Variants in TANC1 observed in about 807,000 individuals in gnomAD.
The protein encoded by TANC1 is tetratricopeptide repeat, ankyrin repeat and coiled-coil containing 1, also known as protein TANC1.
A neutral mutation model predicts 149.7 loss-of-function variants in TANC1; 77 were observed. The observed-to-expected ratio is 0.51, with a 90% CI of 0.43 to 0.62. The LOEUF (loss-of-function observed/expected upper bound fraction) is 0.62. Among genes scored for constraint, TANC1 ranks in the 20% least tolerant of loss-of-function variants. The pLI is 0.00. For synonymous variants in TANC1, 854 were observed against 925.0 expected (o/e 0.92, Z 1.39); for missense variants, 1,985 against 2,321.8 (o/e 0.85, Z 2.98).
At chr2:159,170,406 A>G (rs2055074540) in intron 9 of TANC1, 118 bp from the exon 10 acceptor site, 1 of 909,348 alleles carries the variant, frequency 1.1e-6, no homozygotes, top group South Asian at 1.8e-5. Context: ...ATGCTTACAG[A>G]CAGATCCTAG....
rs570911067 is a variant in TANC1, at chr2:159,111,662, A to T, written c.259+13828A>T. Among the ~76,000 whole-genome samples, 3 of 152,342 alleles carry T rather than the reference A, an allele frequency of 2.0e-5. No homozygotes were observed. In the South Asian group the frequency reaches 6.2e-4, roughly 32 times the overall value. ...TGGGGCTGAGACGGGCTGAGGGACC[A>T]GCAGATGAGTCTGCACCACAGTTGG... On this transcript the variant is annotated intron_variant, in intron 4 of 26. Transcript: ENST00000263635.
At chr2:159,174,707 A>T (rs1472475611) in intron 11 of TANC1, among the ~76,000 whole-genome samples, 1 of 152,244 alleles carries the variant, frequency 6.6e-6, no homozygotes, top group African/African-American at 2.4e-5. Context: ...CAAAAATAAA[A>T]AAATAACTTG....
rs957531216 is a variant in TANC1 at position 159,232,358 on chromosome 2, A to C, written c.*1346A>C. ...AAATTTATTTTCTAAAATTGAGGAG[A>C]AGGAAGTTATATATTTGCAGAATGT... On this transcript the variant is annotated 3_prime_UTR_variant, in exon 27 of 27. Coordinates refer to ENST00000263635, the MANE Select transcript of TANC1 (RefSeq NM_033394.3). The C allele has an allele frequency of 6.6e-6, 1 of 152,574 alleles. No homozygotes were observed. The highest frequency in any genetic ancestry group is 2.4e-5 in the African/African-American group (1 of 41,434). The allele number at this position is 152,574 out of a possible 1,614,324, so 9.5% of individuals were successfully genotyped here.
chr2:159,180,705 A>T (rs2056386409), intron 14 of TANC1, among the ~76,000 whole-genome samples: 1 of 152,230 alleles, frequency 6.6e-6, no homozygotes, highest in East Asian at 1.9e-4. Flanking sequence ...TTTGAGCTTC[A>T]TTCAATTGAG....
intron 2 of TANC1, among the ~76,000 whole-genome samples, chr2:159,057,970 G>A (rs1559181126): frequency 6.6e-6 from 1 of 152,210 alleles, no homozygotes. Flanking sequence ...TGCTGCTGTG[G>A]TAGGGAGGTA....
chr2:159,079,742 C>T (rs1255685561), intron 3 of TANC1, among the ~76,000 whole-genome samples: 1 of 152,138 alleles, frequency 6.6e-6, no homozygotes, highest in Non-Finnish European at 1.5e-5. Flanking sequence ...AGGGTAAAGC[C>T]AGTGCCCGCA....
chr2:159,230,275 G>A lies in TANC1; in HGVS notation c.4849G>A (p.Ala1617Thr), dbSNP rs761773945. Residue 1617 changes from alanine (A) to threonine (T), a missense_variant, in exon 27 of 27, where the codon GCA becomes ACA. Around this residue, in one of 3 missense-constraint regions of TANC1, gnomAD observed 920 missense variants for 994.7 expected, o/e 0.92. Coordinates refer to ENST00000263635, the MANE Select transcript of TANC1 (RefSeq NM_033394.3). This position sits in a 1 kb window ranked among gnomAD's most constrained non-coding sequence, Gnocchi z 4.4. ...VRLQCGENGP[A>T]HPLPSKTKTT... ...CCTGCAGTGTGGTGAGAATGGCCCTGCACACCCTTTACCAAGTAAGACGAA... is the reference window on the plus strand; with the variant it reads ...CCTGCAGTGTGGTGAGAATGGCCCTACACACCCTTTACCAAGTAAGACGAA... 1.2e-6 allele frequency: 2 copies of A among 1,614,018 alleles called. No individual in the cohort carries two copies. Among genetic ancestry groups the A allele is most frequent in the South Asian group, 2.2e-5 (2 of 91,086 alleles).
At chr2:158,979,005 T>C (rs2034002534) in intron 1 of TANC1, among the ~76,000 whole-genome samples, 1 of 152,212 alleles carries the variant, frequency 6.6e-6, no homozygotes, top group Non-Finnish European at 1.5e-5. Flanking sequence ...CCAATGAGTT[T>C]TTAAGTGTAA....
At chr2:159,154,796 G>T (rs1456239011) in intron 7 of TANC1, among the ~76,000 whole-genome samples, 1 of 152,082 alleles carries the variant, frequency 6.6e-6, no homozygotes, top group Non-Finnish European at 1.5e-5. Context: ...CCTAGAAGTT[G>T]GTGTCTGATT....
At chr2:159,197,929 T>A (rs1461232476) in intron 18 of TANC1, among the ~76,000 whole-genome samples, 1 of 152,230 alleles carries the variant, frequency 6.6e-6, no homozygotes, top group East Asian at 1.9e-4. Context: ...CACTTACTCT[T>A]AGAATTCTGA....
In TANC1 at chr2:159,229,612, G is replaced by T; in HGVS notation, c.4186G>T (p.Ala1396Ser). 1 of 1,613,666 alleles carries T rather than the reference G, an allele frequency of 6.2e-7. No individual in the cohort carries two copies. Among genetic ancestry groups the T allele is most frequent in the Non-Finnish European group, 8.5e-7 (1 of 1,179,872 alleles). Residue 1396 changes from alanine (A) to serine (S), a missense_variant, in exon 27 of 27, where the codon GCT (alanine) becomes TCT (serine). Around this residue, in one of 3 missense-constraint regions of TANC1, gnomAD observed 920 missense variants for 994.7 expected, o/e 0.92. Coordinates refer to ENST00000263635, the MANE Select transcript of TANC1 (RefSeq NM_033394.3). ...FVAALADLQEAVKLCPTNQEV... is the reference protein window; with the variant it reads ...FVAALADLQESVKLCPTNQEV... ...GGCAGCTCTGGCTGACCTGCAAGAGGCTGTGAAACTCTGTCCCACCAATCA... is the reference window on the plus strand; with the variant it reads ...GGCAGCTCTGGCTGACCTGCAAGAGTCTGTGAAACTCTGTCCCACCAATCA...
At chr2:159,192,217 C>T (rs1308328262) in intron 16 of TANC1, among the ~76,000 whole-genome samples, 2 of 152,130 alleles carry the variant, frequency 1.3e-5, no homozygotes, top group African/African-American at 2.4e-5. Flanking sequence ...GTGGACATTT[C>T]CATATTTTCT....
intron 4 of TANC1, among the ~76,000 whole-genome samples, chr2:159,116,454 C>CAAA (rs779142844): frequency 5.0e-5 from 7 of 140,476 alleles, no homozygotes; most frequent in East Asian, 2.0e-4. Flanking sequence ...ACAACAACAA[C>CAAA]AAAAAAAAAA....
At position 159,065,938 on chromosome 2, in the gene TANC1, C is replaced by T. The variant is rs960946605; in HGVS notation, c.28C>T (p.Arg10Ter). The T allele has an allele frequency of 1.2e-6, 2 of 1,613,754 alleles. No individual in the cohort carries two copies. The highest frequency in any genetic ancestry group is 1.6e-4 in the Middle Eastern group (1 of 6,062). The change falls in exon 3 of 27, where the codon CGA becomes TGA. Residue 10 changes from arginine (R) to a stop codon, truncating the protein, a stop_gained. Coordinates refer to ENST00000263635, the MANE Select transcript of TANC1 (RefSeq NM_033394.3). LOFTEE classifies it high-confidence loss of function. The stretch of plus-strand genomic sequence containing the variant: ...GTTAAAGGCTGTGCTGAAGAAGAGC[C>T]GAGAGGGAGGAAAGGGAGGCAAGAA... MLKAVLKKS[R>*]EGGKGGKKEA...
rs765734519 is a variant in TANC1, at chr2:159,170,717, G to T, written c.1263G>T (p.Thr421=). The T allele has an allele frequency of 3.1e-6, 5 of 1,614,144 alleles. No homozygotes were observed. Among genetic ancestry groups the T allele is most frequent in the Non-Finnish European group, 4.2e-6 (5 of 1,180,026 alleles). ...VVVGNVGFGK[T]AIISKLVALS... ...TTGGCAATGTGGGATTTGGGAAGAC[G>T]GCAATCATTTCCAAGTTGGTGGCCC... The change falls in exon 10 of 27, where the codon ACG becomes ACT. Residue 421 remains threonine, a synonymous_variant. Coordinates refer to ENST00000263635, the MANE Select transcript of TANC1 (RefSeq NM_033394.3).
chr2:159,190,637 C>T (rs752925410), intron 16 of TANC1, among the ~76,000 whole-genome samples: 13 of 152,062 alleles, frequency 8.5e-5, no homozygotes, highest in Non-Finnish European at 7.4e-5. Flanking sequence ...CTGCAACCTC[C>T]GCCTCCTGGG....
In TANC1 at chr2:159,228,754, G is replaced by A. The variant is rs746074610; in HGVS notation, c.4051-42G>A. ...CTAGACGGGCTTCCCACAATCGTGT[G>A]TCCAGGCTGCTTCTGACTCCTGTAT... On this transcript the variant is annotated intron_variant, in intron 25 of 26. Coordinates refer to ENST00000263635, the MANE Select transcript of TANC1 (RefSeq NM_033394.3). 1.1e-5 allele frequency: 16 copies of A among 1,449,114 alleles called. No homozygotes were observed. In the South Asian group the frequency reaches 1.6e-4, roughly 14 times the overall value. 89.8% of individuals were successfully genotyped at this position (1,449,114 alleles called of 1,614,324 possible). A position where few individuals can be genotyped will look rare whatever the true frequency, so the allele number is the denominator to read the frequency against.
intron 2 of TANC1, among the ~76,000 whole-genome samples, chr2:159,012,334 C>T (rs769452640): frequency 5.9e-5 from 9 of 152,176 alleles, no homozygotes; most frequent in African/African-American, 1.4e-4. Flanking sequence ...TTATTCACTC[C>T]GTGCTCTAAG....
At chr2:159,179,325 A>T in intron 14 of TANC1, among the ~76,000 whole-genome samples, 162 bp downstream of exon 14, 1 of 151,932 alleles carries the variant, frequency 6.6e-6, no homozygotes, top group East Asian at 1.9e-4. Context: ...TGGCAGAAGG[A>T]TGGGCAATGG....
Sources: gnomAD v4.1 joint callset for allele counts (sites outside exome capture counted in the v4.1 genomes callset) on GRCh38, gnomAD v4.1.1 for gene constraint, gnomAD v4.1.1 regional missense constraint, Gnocchi (gnomAD v3.1) non-coding constraint, MANE v1.5 for transcripts, NCBI Gene and HGNC (gene_info 2026-07-23, HGNC 2026-07-21) for gene names.